INTS14: variants seen among roughly 807,000 people sequenced by gnomAD.
The protein encoded by INTS14 is UPF0464 protein C15orf44.
INTS14 carries 27 observed loss-of-function variants against 56.9 expected under a neutral mutation model. The ratio of observed to expected loss-of-function variants is 0.47; its 90% CI spans 0.35 to 0.65. The LOEUF (loss-of-function observed/expected upper bound fraction) is 0.65, where lower values mean the gene tolerates loss of function less well. Ranked by LOEUF, INTS14 falls within the 30% of genes least tolerant of loss-of-function variation. The pLI, the probability that INTS14 is intolerant of heterozygous loss-of-function variation, is 0.00. For synonymous variants in INTS14, 207 were observed against 236.2 expected (o/e 0.88, Z 1.13); for missense variants, 517 against 632.2 (o/e 0.82, Z 1.95).
intron 10 of INTS14, among the ~76,000 whole-genome samples, chr15:65,584,154 A>G (rs751402330): frequency 3.3e-5 from 5 of 152,176 alleles, no homozygotes; most frequent in Admixed American, 2.6e-4. Flanking sequence ...CTTGATAATC[A>G]TATTATCATA....
In INTS14 at chr15:65,598,861, C is replaced by CAT. The variant is rs1566928135; in HGVS notation, c.605+9_605+10dup. The CAT allele has an allele frequency of 3.1e-6, 5 of 1,594,044 alleles. No individual in the cohort carries two copies. Among genetic ancestry groups the CAT allele is most frequent in the Admixed American group, 1.7e-5 (1 of 59,218 alleles). On this transcript the variant is annotated intron_variant, in intron 5 of 11. Coordinates refer to ENST00000313182, the MANE Select transcript of INTS14 (RefSeq NM_001394796.1). ...GTAAAGAAGGCAAAAGAGCTCTAAGCATATACTCACCCAAACATAGACTGT... is the reference window on the plus strand; with the variant it reads ...GTAAAGAAGGCAAAAGAGCTCTAAGCATATATACTCACCCAAACATAGACTGT...
At chr15:65,597,607 A>G (rs571131654) in intron 6 of INTS14, among the ~76,000 whole-genome samples, 132 of 152,306 alleles carry the variant, frequency 8.7e-4, no homozygotes, top group Non-Finnish European at 1.4e-3. Context: ...AGAAGAGTAC[A>G]CTATATCAGA....
chr15:65,597,131 G>C (rs1297149617), intron 6 of INTS14, among the ~76,000 whole-genome samples: 1 of 152,142 alleles, frequency 6.6e-6, no homozygotes, highest in African/African-American at 2.4e-5. Context: ...AAGACTTTTG[G>C]TACAACTTAA....
At chr15:65,610,896 A>T (rs558641103) in intron 1 of INTS14, 2 of 1,477,610 alleles carry the variant, frequency 1.4e-6, no homozygotes, top group African/African-American at 2.8e-5. Context: ...GTTTACGCGG[A>T]GCTGGGGACC....
At chr15:65,595,355 T>C (rs938983246) in intron 7 of INTS14, among the ~76,000 whole-genome samples, 4 of 152,236 alleles carry the variant, frequency 2.6e-5, no homozygotes, top group African/African-American at 9.6e-5. Flanking sequence ...AGAACAGATG[T>C]GATTCTTCCG....
At chr15:65,581,209 G>A (rs1171407866) in intron 11 of INTS14, among the ~76,000 whole-genome samples, 5 of 151,882 alleles carry the variant, frequency 3.3e-5, no homozygotes, top group Non-Finnish European at 5.9e-5. Context: ...GTGAAACCCC[G>A]TCTCTACTAA....
intron 10 of INTS14, among the ~76,000 whole-genome samples, chr15:65,584,482 C>T (rs1025126033): frequency 3.3e-5 from 5 of 152,154 alleles, no homozygotes; most frequent in African/African-American, 9.7e-5. Flanking sequence ...AAGCTCAGAG[C>T]CAAAACACTC....
intron 5 of INTS14, 71 bp downstream of exon 5, chr15:65,598,801 T>C (rs2073313441): frequency 2.5e-6 from 3 of 1,206,918 alleles, no homozygotes; most frequent in Non-Finnish European, 3.6e-6. Context: ...GTAAAACAGA[T>C]AGTCTTCCTG....
At chr15:65,599,668 T>A in intron 4 of INTS14, 106 bp downstream of exon 4, 1 of 1,212,996 alleles carries the variant, frequency 8.2e-7, no homozygotes, top group South Asian at 2.0e-5. Flanking sequence ...ACCAATGGAG[T>A]TCAATGCTAC....
At chr15:65,601,003 G>A (rs2073413207) in intron 3 of INTS14, among the ~76,000 whole-genome samples, 1 of 152,080 alleles carries the variant, frequency 6.6e-6, no homozygotes. Flanking sequence ...TTTCACATGT[G>A]CTCCTAGGAA....
chr15:65,607,433 C>T lies in INTS14; in HGVS notation c.-53G>A, dbSNP rs774852560. On this transcript the variant is annotated 5_prime_UTR_variant, in exon 2 of 12. Transcript: ENST00000313182. ...CAGAATGCAAACAGACAGCTATAAA[C>T]GAAGAAATGCTGCAGAAAATAAATA... 58 of 1,598,448 alleles carry T rather than the reference C, an allele frequency of 3.6e-5. No individual in the cohort carries two copies. The highest frequency in any genetic ancestry group is 6.7e-5 in the East Asian group (3 of 44,584).
chr15:65,608,642 T>C (rs186409652), intron 1 of INTS14, among the ~76,000 whole-genome samples: 30 of 152,280 alleles, frequency 2.0e-4, no homozygotes, highest in African/African-American at 6.7e-4. Context: ...ACTACAGATA[T>C]CAGAAATACT....
At chr15:65,606,325 A>C (rs2073649273) in intron 2 of INTS14, among the ~76,000 whole-genome samples, 2 of 152,126 alleles carry the variant, frequency 1.3e-5, no homozygotes, top group Non-Finnish European at 2.9e-5. Context: ...TACATTAAAA[A>C]ATTCAAACTC....
At chr15:65,609,988 G>A (rs2073824283) in intron 1 of INTS14, among the ~76,000 whole-genome samples, 1 of 151,802 alleles carries the variant, frequency 6.6e-6, no homozygotes, top group African/African-American at 2.4e-5. Flanking sequence ...ACAAAGTCGT[G>A]GGAGATCAAT....
intron 4 of INTS14, 150 bp downstream of exon 4, chr15:65,599,624 A>C: frequency 2.3e-6 from 2 of 859,280 alleles, no homozygotes; most frequent in South Asian, 2.4e-5. Flanking sequence ...TGAGACCCAG[A>C]ATCTTTTCAA....
At chr15:65,591,767 C>T in intron 8 of INTS14, 36 bp from the exon 9 acceptor site, 1 of 1,609,808 alleles carries the variant, frequency 6.2e-7, no homozygotes, top group Non-Finnish European at 8.5e-7. Context: ...AGAAGAACAT[C>T]AAGCCTGAGA....
chr15:65,606,641 T>A (rs757916434), intron 2 of INTS14, among the ~76,000 whole-genome samples: 1 of 152,164 alleles, frequency 6.6e-6, no homozygotes, highest in Non-Finnish European at 1.5e-5. Context: ...TTTAGAGATG[T>A]TGTCAGAAAG....
At chr15:65,589,192 G>C (rs1224978760) in intron 9 of INTS14, among the ~76,000 whole-genome samples, 1 of 152,144 alleles carries the variant, frequency 6.6e-6, no homozygotes, top group Non-Finnish European at 1.5e-5. Flanking sequence ...TTTTCTGTGA[G>C]GGCCAGACAG....
Position 65,579,606 on chromosome 15 carries a change from C to G in INTS14, c.1359G>C (p.Leu453=). ...AALAFGFLDL[L]KGVADMLERE... ...TTTCCAGCATGTCAGCCACCCCTTT[C>G]AGCAGGTCCAGGAAACCAAAGGCTA... The change falls in exon 12 of 12, where the codon CTG becomes CTC. Residue 453 remains leucine, a synonymous_variant. Transcript: ENST00000313182. 1 of 1,614,130 alleles carries G rather than the reference C, an allele frequency of 6.2e-7. No individual in the cohort carries two copies.
Sources: gnomAD v4.1 joint callset for allele counts (sites outside exome capture counted in the v4.1 genomes callset) on GRCh38, gnomAD v4.1.1 for gene constraint, MANE v1.5 for transcripts, NCBI Gene and HGNC (gene_info 2026-07-23, HGNC 2026-07-21) for gene names.